Variants in GSG1L observed in about 807,000 individuals in gnomAD.
GSG1L encodes GSG1 like, also known as germ cell-specific gene 1-like protein.
Under a neutral mutation model 42.1 loss-of-function variants are expected in GSG1L, and 24 were observed. The observed-to-expected ratio is 0.57, with a 90% CI of 0.41 to 0.80. The LOEUF is 0.80. Ranked by LOEUF, GSG1L falls within the 30% of genes least tolerant of loss-of-function variation. The probability of loss-of-function intolerance (pLI) is 0.00; values close to 1 mark genes in which losing one functional copy is unlikely to be tolerated. For missense variants in GSG1L, 445 were observed against 472.2 expected (o/e 0.94, Z 0.53); for synonymous variants, 215 against 203.5 (o/e 1.06, Z -0.48).
At chr16:28,052,678 C>T (rs778826910) in intron 1 of GSG1L, among the ~76,000 whole-genome samples, 2 of 152,202 alleles carry the variant, frequency 1.3e-5, no homozygotes, top group African/African-American at 4.8e-5. Context: ...GGACATGTCA[C>T]GGGAGTAAGA....
At chr16:27,928,805 C>T (rs13335537) in intron 2 of GSG1L, among the ~76,000 whole-genome samples, 1,657 of 152,324 alleles carry the variant, frequency 0.011, 28 homozygotes, top group African/African-American at 0.038. Context: ...AGACACCAGC[C>T]GGCGCTCCAC....
rs1200208568 is a variant in GSG1L, at chr16:27,979,805, GAAAGAAAGA to G, written c.350-16611_350-16603del. ...AAGAAAAAGAAAGAAAGGAAAGAAAGAAAGAAAGAAAAGAAAGAAAGAGAGAGAGAGAGA... is the reference window on the plus strand; with the variant it reads ...AAGAAAAAGAAAGAAAGGAAAGAAAGAAAGAAAGAAAGAGAGAGAGAGAGA... On this transcript the variant is annotated intron_variant, in intron 1 of 6. Transcript: ENST00000447459. Among the ~76,000 whole-genome samples, 6 of 113,244 alleles carry G rather than the reference GAAAGAAAGA, an allele frequency of 5.3e-5. No homozygotes were observed. The East Asian group carries it at 1.1e-3, about 21-fold the overall frequency. 74.3% of individuals were successfully genotyped at this position (113,244 alleles called of 152,430 possible). A position where few individuals can be genotyped will look rare whatever the true frequency, so the allele number is the denominator to read the frequency against.
At chr16:27,924,893 G>C (rs1015463181) in intron 2 of GSG1L, among the ~76,000 whole-genome samples, 1 of 152,070 alleles carries the variant, frequency 6.6e-6, no homozygotes, top group Non-Finnish European at 1.5e-5. Flanking sequence ...AGAAGAGGTC[G>C]ACTCACATCT....
At chr16:27,827,159 C>T (rs901547741) in intron 5 of GSG1L, among the ~76,000 whole-genome samples, 1 of 152,186 alleles carries the variant, frequency 6.6e-6, no homozygotes, top group Admixed American at 6.5e-5. Flanking sequence ...AATTCCTGGG[C>T]ACAGGGCCTG....
intron 5 of GSG1L, among the ~76,000 whole-genome samples, chr16:27,814,881 A>G (rs538770682): frequency 6.6e-6 from 1 of 152,088 alleles, no homozygotes; most frequent in Admixed American, 6.5e-5. Context: ...TTTGAACTGC[A>G]ATTTCCTGCA....
chr16:27,870,849 C>A lies in GSG1L; in HGVS notation c.550+13637G>T, dbSNP rs889276719. Among the ~76,000 whole-genome samples, 6 of 151,394 alleles carry A rather than the reference C, an allele frequency of 4.0e-5. 1 individual carries two copies. Among genetic ancestry groups the A allele is most frequent in the African/African-American group, 1.2e-4 (5 of 40,686 alleles). ...TGGAGCCCATCCACAGTCCTCCGTT[C>A]CCTCTGCCACCATCTCCTTGTGGCC... On this transcript the variant is annotated intron_variant, in intron 3 of 6. Coordinates refer to ENST00000447459, the MANE Select transcript of GSG1L (RefSeq NM_001109763.2).
At chr16:28,053,656 C>T (rs1442201818) in intron 1 of GSG1L, among the ~76,000 whole-genome samples, 1 of 152,226 alleles carries the variant, frequency 6.6e-6, no homozygotes, top group Non-Finnish European at 1.5e-5. Context: ...CTATTTCGGG[C>T]TCCCCTCGCT....
At chr16:28,026,388 C>A (rs1296003693) in intron 1 of GSG1L, among the ~76,000 whole-genome samples, 1 of 152,176 alleles carries the variant, frequency 6.6e-6, no homozygotes, top group Non-Finnish European at 1.5e-5. Context: ...TGCGGATCTG[C>A]CACACATCAG....
chr16:27,912,384 G>A (rs1312117065), intron 2 of GSG1L, among the ~76,000 whole-genome samples: 1 of 152,164 alleles, frequency 6.6e-6, no homozygotes, highest in East Asian at 1.9e-4. Context: ...AGGCATGGTG[G>A]TGTGCACCTG....
intron 6 of GSG1L, 23 bp downstream of exon 6, chr16:27,807,464 A>T (rs774935373): frequency 3.7e-6 from 6 of 1,603,548 alleles, no homozygotes; most frequent in Non-Finnish European, 5.1e-6. Context: ...GTCGTAGCAG[A>T]TACCCACAAA....
In GSG1L at chr16:27,925,195, T is replaced by C. The variant is rs566077457; in HGVS notation, c.397+37961A>G. ...TACATCCAACTTGGAGGACCAATTATTCCTGAGTAAAGGAATTAAAATTCT... is the reference window on the plus strand; with the variant it reads ...TACATCCAACTTGGAGGACCAATTACTCCTGAGTAAAGGAATTAAAATTCT... On this transcript the variant is annotated intron_variant, in intron 2 of 6. Transcript: ENST00000447459. Among the ~76,000 whole-genome samples the C allele has an allele frequency of 9.2e-5, 14 of 152,366 alleles. 1 individual carries two copies. The South Asian group carries it at 2.7e-3, about 29-fold the overall frequency.
intron 1 of GSG1L, among the ~76,000 whole-genome samples, chr16:27,989,289 A>C (rs2085427207): frequency 1.3e-5 from 2 of 152,226 alleles, no homozygotes; most frequent in East Asian, 3.9e-4. Flanking sequence ...AAGCTTTCTT[A>C]CTTTGATATC....
At chr16:27,997,022 A>G (rs2085521387) in intron 1 of GSG1L, among the ~76,000 whole-genome samples, 1 of 152,172 alleles carries the variant, frequency 6.6e-6, no homozygotes, top group Non-Finnish European at 1.5e-5. Context: ...TCGGCCTCCC[A>G]AAGTGCTGGG....
At chr16:27,849,983 G>T (rs78486811) in intron 3 of GSG1L, among the ~76,000 whole-genome samples, 1 of 149,154 alleles carries the variant, frequency 6.7e-6, no homozygotes, top group Non-Finnish European at 1.5e-5. Flanking sequence ...AGAAGTTTGG[G>T]TGGGTAGAAT....
At chr16:27,919,420 T>A (rs574534335) in intron 2 of GSG1L, among the ~76,000 whole-genome samples, 10 of 152,246 alleles carry the variant, frequency 6.6e-5, no homozygotes, top group African/African-American at 2.2e-4. Context: ...CTCTTTCTGT[T>A]CCTCAAAACA....
intron 3 of GSG1L, among the ~76,000 whole-genome samples, chr16:27,864,187 A>G (rs530187615): frequency 3.3e-5 from 5 of 152,338 alleles, no homozygotes; most frequent in African/African-American, 1.2e-4. Context: ...TTTGTATCAC[A>G]TGCTCATCCC....
chr16:27,856,160 C>A (rs190738661), intron 3 of GSG1L, among the ~76,000 whole-genome samples: 11 of 152,038 alleles, frequency 7.2e-5, no homozygotes, highest in Admixed American at 3.9e-4. Context: ...AATGTGCACC[C>A]CCCCCCATCC....
intron 2 of GSG1L, among the ~76,000 whole-genome samples, chr16:27,906,906 A>G (rs996093827): frequency 6.6e-6 from 1 of 151,650 alleles, no homozygotes; most frequent in African/African-American, 2.4e-5. Context: ...CACCACCTCC[A>G]CTGCCCCTCC....
At chr16:27,967,407 TG>T (rs1209284631) in intron 1 of GSG1L, among the ~76,000 whole-genome samples, 4 of 152,202 alleles carry the variant, frequency 2.6e-5, no homozygotes, top group South Asian at 4.1e-4. Flanking sequence ...CGGCCACAGA[TG>T]GGTGAACCCT....
Sources: allele counts gnomAD v4.1 joint callset (sites outside exome capture counted in the v4.1 genomes callset), GRCh38; gene constraint gnomAD v4.1.1; transcripts MANE v1.5; gene names NCBI Gene and HGNC (gene_info 2026-07-23, HGNC 2026-07-21).